The following POMGNT1 variants were observed in gnomAD, a reference collection of about 807,000 sequenced individuals.
POMGNT1 encodes the protein protein O-linked mannose N-acetylglucosaminyltransferase 1 (beta 1,2-).
A neutral mutation model predicts 95.6 loss-of-function variants in POMGNT1; 67 were observed. That is an observed-to-expected ratio of 0.70 (90% CI 0.58 to 0.86). POMGNT1 has a LOEUF of 0.86. POMGNT1 is among the 40% of genes least tolerant of loss of function. POMGNT1 has a pLI of 0.00. For synonymous variants in POMGNT1, 298 were observed against 317.9 expected, an observed-to-expected ratio of 0.94 and a Z score of 0.66; for missense variants, 719 against 855.2, an observed-to-expected ratio of 0.84 and a Z score of 1.99.
rs1046275062 is a variant in POMGNT1, at chr1:46,195,833, C to T, written c.512G>A (p.Arg171Gln). The T allele has an allele frequency of 6.9e-6, 11 of 1,601,332 alleles. No homozygotes were observed. Among genetic ancestry groups the T allele is most frequent in the African/African-American group, 2.7e-5 (2 of 74,904 alleles). The change falls in exon 6 of 22, where the codon CGA (arginine) becomes CAA (glutamine). Residue 171 changes from arginine (R) to glutamine (Q), a missense_variant. This residue lies in a region of POMGNT1 where 466 missense variants were observed against 517.4 expected (regional missense o/e 0.90). Coordinates refer to ENST00000371984, the MANE Select transcript of POMGNT1 (RefSeq NM_017739.4). ...GACCTTGACAGTGCAGATGAGCACTCGGCCGGGCGCTACCATGTTGAGGAA... is the reference window on the plus strand; with the variant it reads ...GACCTTGACAGTGCAGATGAGCACTTGGCCGGGCGCTACCATGTTGAGGAA... Reference protein sequence around the residue: ...VLFLNMVAPGRVLICTVKDEG... With the variant: ...VLFLNMVAPGQVLICTVKDEG...
chr1:46,194,858 A>G lies in POMGNT1; in HGVS notation c.638T>C (p.Val213Ala), dbSNP rs1354664711. 1 of 1,613,980 alleles carries G rather than the reference A, an allele frequency of 6.2e-7. No individual in the cohort carries two copies. Among genetic ancestry groups the G allele is most frequent in the East Asian group, 2.2e-5 (1 of 44,858 alleles). The change falls in exon 7 of 22, where the codon GTG (valine) becomes GCG (alanine). Residue 213 changes from valine (V) to alanine (A), a missense_variant. Coordinates refer to ENST00000371984, the MANE Select transcript of POMGNT1 (RefSeq NM_017739.4). ...ALGWRDTWAF[V>A]GRKGGPVFGE... ...GATGCCGGCACCTCCTTTTCGTCCCACGAAGGCCCATGTGTCCCTCCAGCC... is the reference window on the plus strand; with the variant it reads ...GATGCCGGCACCTCCTTTTCGTCCCGCGAAGGCCCATGTGTCCCTCCAGCC...
At chr1:46,217,460 TC>T (rs1474519678) in intron 1 of POMGNT1, among the ~76,000 whole-genome samples, 1 of 152,238 alleles carries the variant, frequency 6.6e-6, no homozygotes, top group African/African-American at 2.4e-5. Flanking sequence ...GAAGAGCATT[TC>T]CAAATCCTAA....
intron 6 of POMGNT1, chr1:46,195,541 C>T (rs1658161989): frequency 2.0e-6 from 1 of 507,034 alleles, no homozygotes; most frequent in Non-Finnish European, 3.6e-6. Flanking sequence ...TTTCTGTTGA[C>T]CTCCCACTGC....
intron 9 of POMGNT1, 112 bp downstream of exon 9, chr1:46,194,162 C>T: frequency 1.3e-6 from 2 of 1,593,864 alleles, no homozygotes; most frequent in Non-Finnish European, 1.7e-6. Flanking sequence ...TAAATCCTGC[C>T]CCTGGTTCTC....
At position 46,209,110 on chromosome 1, in the gene POMGNT1, C is replaced by T. The variant is rs181650652; in HGVS notation, c.-51+10595G>A. Among the ~76,000 whole-genome samples the T allele has an allele frequency of 3.2e-3, 488 of 151,716 alleles. 6 individuals carry two copies. Among genetic ancestry groups the T allele is most frequent in the African/African-American group, 0.011 (461 of 41,374 alleles). On this transcript the variant is annotated intron_variant, in intron 1 of 22. Transcript: ENST00000371992. Reference sequence around the variant, plus strand: ...CGCAATCTTGGCTCACCGCAACCTCCGCCTCCTGGATTCAAGCAATTCTCC... The same window carrying T: ...CGCAATCTTGGCTCACCGCAACCTCTGCCTCCTGGATTCAAGCAATTCTCC...
At position 46,189,232 on chromosome 1, in the gene POMGNT1, T is replaced by C; in HGVS notation, c.*38A>G. The stretch of plus-strand genomic sequence containing the variant: ...AGGGAAGGGCTAGCCAGCCTGGGGG[T>C]ACACAGTACCCAGCCCCGCAGGGTC... On this transcript the variant is annotated 3_prime_UTR_variant, in exon 22 of 22. Coordinates refer to ENST00000371984, the MANE Select transcript of POMGNT1 (RefSeq NM_017739.4). 1.9e-6 allele frequency: 3 copies of C among 1,595,934 alleles called. No homozygotes were observed. Among genetic ancestry groups the C allele is most frequent in the Non-Finnish European group, 2.6e-6 (3 of 1,172,894 alleles).
intron 17 of POMGNT1, 194 bp from the exon 18 acceptor site, chr1:46,190,978 C>T (rs929614108): frequency 7.5e-5 from 45 of 602,066 alleles, no homozygotes; most frequent in Non-Finnish European, 1.3e-4. Context: ...TTGGCCTCCA[C>T]CATTGCTGGA....
chr1:46,197,718 AG>A lies in POMGNT1; in HGVS notation c.103del (p.Leu35CysfsTer15). 3 of 1,614,090 alleles carry A rather than the reference AG, an allele frequency of 1.9e-6. No homozygotes were observed. Among genetic ancestry groups the A allele is most frequent in the Non-Finnish European group, 2.5e-6 (3 of 1,179,988 alleles). On this transcript the variant is annotated frameshift_variant, in exon 2 of 22. Coordinates refer to ENST00000371984, the MANE Select transcript of POMGNT1 (RefSeq NM_017739.4). LOFTEE classifies it high-confidence loss of function. ...WKYKLTNQRA[L>X]RRFCQTGAVL... ...TCTCTATACCTGACAGAATCTCCGC[AG>A]GGCCCGCTGGTTTGTCAGTTTATAC... is the stretch of plus-strand genomic sequence containing the variant.
upstream of POMGNT1, chr1:46,198,527 C>CGGCGGCGGCGGCGGT (rs1009136978): frequency 8.2e-5 from 12 of 146,374 alleles, no homozygotes; most frequent in South Asian, 1.9e-4. Context: ...AGGGCGGCGG[C>CGGCGGCGGCGGCGGT]GGCGGCGGCG....
In POMGNT1 at chr1:46,195,850, G is replaced by A. The variant is rs2148211758; in HGVS notation, c.495C>T (p.Asn165=). The A allele has an allele frequency of 6.2e-7, 1 of 1,611,634 alleles. No individual in the cohort carries two copies. Among genetic ancestry groups the A allele is most frequent in the Non-Finnish European group, 8.5e-7 (1 of 1,178,834 alleles). ...TGAGCACTCGGCCGGGCGCTACCATGTTGAGGAATAGCACCATGGCCTCAT... is the reference window on the plus strand; with the variant it reads ...TGAGCACTCGGCCGGGCGCTACCATATTGAGGAATAGCACCATGGCCTCAT... The part of the protein sequence containing the change: ...HEDEAMVLFL[N]MVAPGRVLIC... The change falls in exon 6 of 22, where the codon AAC becomes AAT. Residue 165 remains asparagine, a synonymous_variant. Transcript: ENST00000371984.
At chr1:46,202,844 G>A (rs1174793950), upstream of POMGNT1, among the ~76,000 whole-genome samples, 2 of 135,070 alleles carry the variant, frequency 1.5e-5, no homozygotes, top group African/African-American at 2.7e-5. Flanking sequence ...AGCCCAACGT[G>A]GACCTCTTCA....
In POMGNT1 at chr1:46,189,217, T is replaced by C. The variant is rs758795805; in HGVS notation, c.*53A>G. The stretch of plus-strand genomic sequence containing the variant: ...AATCCTACAGGATGGAGGGAAGGGC[T>C]AGCCAGCCTGGGGGTACACAGTACC... On this transcript the variant is annotated 3_prime_UTR_variant, in exon 22 of 22. Coordinates refer to ENST00000371984, the MANE Select transcript of POMGNT1 (RefSeq NM_017739.4). 1.9e-6 allele frequency: 3 copies of C among 1,575,658 alleles called. No homozygotes were observed. The highest frequency in any genetic ancestry group is 1.7e-4 in the Middle Eastern group (1 of 5,808).
chr1:46,201,602 G>A (rs981028368), upstream of POMGNT1, among the ~76,000 whole-genome samples: 1 of 151,242 alleles, frequency 6.6e-6, no homozygotes, highest in African/African-American at 2.4e-5. Context: ...AGGAGGCTGA[G>A]GCAGGAGAAT....
At chr1:46,193,965 C>T (rs919905257) in intron 9 of POMGNT1, 40 bp from the exon 10 acceptor site, 1 of 1,610,714 alleles carries the variant, frequency 6.2e-7, no homozygotes, top group African/African-American at 1.3e-5. Context: ...CTTATTCCCC[C>T]TTCAAACTGG....
intron 1 of POMGNT1, among the ~76,000 whole-genome samples, chr1:46,217,850 T>C (rs1038508650): frequency 1.1e-4 from 16 of 152,096 alleles, no homozygotes; most frequent in African/African-American, 3.9e-4. Context: ...AGAGAGAAAC[T>C]CTGTCTCAAA....
In POMGNT1 at chr1:46,193,305, C is replaced by T; in HGVS notation, c.1110G>A (p.Gln370=). 2 of 1,613,832 alleles carry T rather than the reference C, an allele frequency of 1.2e-6. No individual in the cohort carries two copies. Among genetic ancestry groups the T allele is most frequent in the Non-Finnish European group, 1.7e-6 (2 of 1,179,924 alleles). ...PISIKNARVS[Q]HYKASLTATF... is the part of the protein sequence containing the mutation. ...CCATCCCCACTTGCCTATGCAGTACCTGAGACACGCGGGCATTCTTGATGC... is the reference window on the plus strand; with the variant it reads ...CCATCCCCACTTGCCTATGCAGTACTTGAGACACGCGGGCATTCTTGATGC... Residue 370 remains glutamine (Q), a splice_region_variant and synonymous_variant, in exon 12 of 22, where the codon CAG becomes CAA. Transcript: ENST00000371984.
upstream of POMGNT1, among the ~76,000 whole-genome samples, chr1:46,200,042 C>T (rs1197254943): frequency 1.3e-5 from 2 of 151,976 alleles, no homozygotes; most frequent in Non-Finnish European, 2.9e-5. Context: ...TGGTGACAGG[C>T]GCCTATAATC....
intron 1 of POMGNT1, among the ~76,000 whole-genome samples, chr1:46,213,990 G>C (rs1658982720): frequency 6.6e-6 from 1 of 152,136 alleles, no homozygotes; most frequent in Non-Finnish European, 1.5e-5. Flanking sequence ...CACTCTGAAG[G>C]GTGAGCAGCA....
rs780641373 is a variant in POMGNT1 at position 46,195,906 on chromosome 1, G to A, written c.439C>T (p.Arg147Cys). Reference sequence around the variant, plus strand: ...TGAGGTGAGTACGTGTCAAACACACGTTTTGCCATCACGTGGCCCTGGCAG... The same window carrying A: ...TGAGGTGAGTACGTGTCAAACACACATTTTGCCATCACGTGGCCCTGGCAG... ...NQATGHVMAKRVFDTYSPHED... is the reference protein window; with the variant it reads ...NQATGHVMAKCVFDTYSPHED... Residue 147 changes from arginine (R) to cysteine (C), a missense_variant, in exon 6 of 22, where the codon CGT (arginine) becomes TGT (cysteine). Transcript: ENST00000371984. 9.9e-6 allele frequency: 16 copies of A among 1,613,930 alleles called. No homozygotes were observed. Among genetic ancestry groups the A allele is most frequent in the African/African-American group, 1.3e-5 (1 of 74,908 alleles).
Sources: gnomAD v4.1 joint callset for allele counts (sites outside exome capture counted in the v4.1 genomes callset) on GRCh38, gnomAD v4.1.1 for gene constraint, gnomAD v4.1.1 regional missense constraint, MANE v1.5 for transcripts, NCBI Gene and HGNC (gene_info 2026-07-23, HGNC 2026-07-21) for gene names.